Variants in HEY2 observed in about 807,000 individuals in gnomAD.
HEY2 encodes the protein hairy/enhancer-of-split related with YRPW motif protein 2.
Under a neutral mutation model 18.1 loss-of-function variants are expected in HEY2, and 10 were observed. That is an observed-to-expected ratio of 0.55 (90% CI 0.34 to 0.94). The LOEUF is 0.94. Among genes scored for constraint, HEY2 ranks in the 40% least tolerant of loss-of-function variants. The pLI is 0.02. For synonymous variants in HEY2, 210 were observed against 182.7 expected (o/e 1.15, Z -1.21); for missense variants, 455 against 455.9 (o/e 1.00, Z 0.02).
Position 125,759,371 on chromosome 6 carries a change from G to A in HEY2, c.583G>A (p.Ala195Thr), listed in dbSNP as rs1736359064. The change falls in exon 5 of 5, where the codon GCC becomes ACC. Residue 195 changes from alanine (A) to threonine (T), a missense_variant. Ala to Thr is a moderately conservative substitution (Grantham distance 58). Transcript: ENST00000368364. The stretch of plus-strand genomic sequence containing the variant: ...CGCCGCCTTCCACCACCTGCCCGCA[G>A]CCCTGCTCCAGCCCAACGGCCTCCA... ...WAAAFHHLPAALLQPNGLHAS... is the reference protein window; with the variant it reads ...WAAAFHHLPATLLQPNGLHAS... 6.2e-7 allele frequency: 1 copy of A among 1,606,970 alleles called. No individual in the cohort carries two copies. Among genetic ancestry groups the A allele is most frequent in the Non-Finnish European group, 8.5e-7 (1 of 1,177,698 alleles).
At chr6:125,750,955 A>G (rs1773532296) in intron 1 of HEY2, among the ~76,000 whole-genome samples, 2 of 152,392 alleles carry the variant, frequency 1.3e-5, no homozygotes, top group East Asian at 1.9e-4. Context: ...GAAGCATAGT[A>G]TCCATGAATT....
chr6:125,759,166 C>T lies in HEY2; in HGVS notation c.378C>T (p.Phe126=). 1 of 1,613,122 alleles carries T rather than the reference C, an allele frequency of 6.2e-7. No homozygotes were observed. Among genetic ancestry groups the T allele is most frequent in the Non-Finnish European group, 8.5e-7 (1 of 1,179,618 alleles). ...CCATGGACTTCATGAGCATAGGATT[C>T]CGAGAGTGCCTAACAGAAGTTGCGC... ...ALAMDFMSIG[F]RECLTEVARY... The change falls in exon 5 of 5, where the codon TTC becomes TTT. Residue 126 remains phenylalanine (F), a synonymous_variant. Transcript: ENST00000368364.
chr6:125,751,731 TG>T, intron 1 of HEY2, 69 bp from the exon 2 acceptor site: 1 of 961,304 alleles, frequency 1.0e-6, no homozygotes, highest in Non-Finnish European at 1.6e-6. Context: ...ATTTAATGGG[TG>T]CCACAAGTAC....
intron 4 of HEY2, among the ~76,000 whole-genome samples, chr6:125,758,152 TGTGCCCTAC>T (rs1336150424): frequency 1.9e-5 from 2 of 104,482 alleles, no homozygotes; most frequent in Non-Finnish European, 4.6e-5. Flanking sequence ...TGATTATTAT[TGTGCCCTAC>T]ATGCCCTACA....
At chr6:125,752,427 C>CAAAAA (rs56184046) in intron 3 of HEY2, among the ~76,000 whole-genome samples, 12 of 117,636 alleles carry the variant, frequency 1.0e-4, no homozygotes, top group East Asian at 2.3e-4. Flanking sequence ...CCGTATCCTT[C>CAAAAA]AAAAAAAAAA....
chr6:125,759,595 AGCAGCCACCGCGGCT>A lies in HEY2; in HGVS notation c.811_825del (p.Ala271_Ala275del). 1.2e-6 allele frequency: 2 copies of A among 1,610,498 alleles called. No individual in the cohort carries two copies. The highest frequency in any genetic ancestry group is 1.7e-6 in the Non-Finnish European group (2 of 1,179,744). On this transcript the variant is annotated inframe_deletion, in exon 5 of 5. Coordinates refer to ENST00000368364, the MANE Select transcript of HEY2 (RefSeq NM_012259.3). ...CTGCCACCGTCCACGCCGCAGCCGC[AGCAGCCACCGCGGCT>A]GCACACAGCTTCCCTCTGTCCTTCG...
chr6:125,753,934 T>G (rs1373545968), intron 3 of HEY2, among the ~76,000 whole-genome samples: 1 of 152,182 alleles, frequency 6.6e-6, no homozygotes, highest in African/African-American at 2.4e-5. Flanking sequence ...AATTATATGG[T>G]TCTAGTGTGA....
Position 125,760,950 on chromosome 6 carries a change from A to T in HEY2, c.*1148A>T, listed in dbSNP as rs1328876108. 1 of 152,620 alleles carries T rather than the reference A, an allele frequency of 6.6e-6. No homozygotes were observed. Among genetic ancestry groups the T allele is most frequent in the Non-Finnish European group, 1.5e-5 (1 of 68,018 alleles). The allele number at this position is 152,620 out of a possible 1,614,324, so 9.5% of individuals were successfully genotyped here. A position where few individuals can be genotyped will look rare whatever the true frequency, so the allele number is the denominator to read the frequency against. ...CATAAGTTATTTTTGCCCATGCCTA[A>T]ACTAGTGCTATGTAATGGGGTTGTG... On this transcript the variant is annotated 3_prime_UTR_variant, in exon 5 of 5. Coordinates refer to ENST00000368364, the MANE Select transcript of HEY2 (RefSeq NM_012259.3).
chr6:125,750,437 G>C (rs1468466249), intron 1 of HEY2: 1 of 979,670 alleles, frequency 1.0e-6, no homozygotes, highest in Admixed American at 6.1e-5. Context: ...AAGTCTGGAA[G>C]AGATCGGCGT....
At position 125,759,347 on chromosome 6, in the gene HEY2, GC is replaced by G. The variant is rs766155246; in HGVS notation, c.561del (p.Ala188ProfsTer159). On this transcript the variant is annotated frameshift_variant, in exon 5 of 5. Transcript: ENST00000368364. LOFTEE classifies it low-confidence loss of function (END_TRUNC). Reference protein sequence around the residue: ...HHPLHPHHWAAAFHHLPAALL... With the variant: ...HHPLHPHHWAXAFHHLPAALL... ...TCCGCTCCACCCGCATCACTGGGCC[GC>G]CGCCTTCCACCACCTGCCCGCAGCC... 1 of 1,603,566 alleles carries G rather than the reference GC, an allele frequency of 6.2e-7. No homozygotes were observed.
At chr6:125,753,932 G>A (rs1303171959) in intron 3 of HEY2, among the ~76,000 whole-genome samples, 2 of 152,168 alleles carry the variant, frequency 1.3e-5, no homozygotes, top group East Asian at 3.9e-4. Context: ...CCAATTATAT[G>A]GTTCTAGTGT....
At chr6:125,754,433 A>T in intron 3 of HEY2, 32 bp from the exon 4 acceptor site, 1 of 1,291,894 alleles carries the variant, frequency 7.7e-7, no homozygotes, top group Non-Finnish European at 1.1e-6. Flanking sequence ...TGTAGGACAT[A>T]GGATTATTTA....
At position 125,749,769 on chromosome 6, in the gene HEY2, T is replaced by G; in HGVS notation, c.-8T>G. On this transcript the variant is annotated 5_prime_UTR_variant, in exon 1 of 5. Coordinates refer to ENST00000368364, the MANE Select transcript of HEY2 (RefSeq NM_012259.3). The stretch of plus-strand genomic sequence containing the variant: ...GGCCGGGCTGTGCCCCGCGCGGTCT[T>G]CGCCGGGATGAAGCGCCCCTGCGAG... 1 of 1,564,952 alleles carries G rather than the reference T, an allele frequency of 6.4e-7. No homozygotes were observed. Among genetic ancestry groups the G allele is most frequent in the Non-Finnish European group, 8.7e-7 (1 of 1,155,832 alleles).
chr6:125,753,127 G>A (rs1773585057), intron 3 of HEY2, among the ~76,000 whole-genome samples: 1 of 152,200 alleles, frequency 6.6e-6, no homozygotes, highest in Admixed American at 6.5e-5. Context: ...TATATGCAGA[G>A]ACTGTGTTTG....
intron 4 of HEY2, 44 bp from the exon 5 acceptor site, chr6:125,759,073 C>A (rs747126977): frequency 1.2e-5 from 18 of 1,467,220 alleles, no homozygotes; most frequent in Non-Finnish European, 1.7e-5. Flanking sequence ...CTACCTCCCG[C>A]CCATCTCTCT....
In HEY2 at chr6:125,759,513, C is replaced by A. The variant is rs781313488; in HGVS notation, c.725C>A (p.Ser242Tyr). 6.2e-7 allele frequency: 1 copy of A among 1,611,274 alleles called. No individual in the cohort carries two copies. Among genetic ancestry groups the A allele is most frequent in the Non-Finnish European group, 8.5e-7 (1 of 1,179,986 alleles). ...GCGGATTCAGCCCTCCGAATGCCATCCACGGGCAGCGTCGCCCCCTGCGTG... is the reference window on the plus strand; with the variant it reads ...GCGGATTCAGCCCTCCGAATGCCATACACGGGCAGCGTCGCCCCCTGCGTG... ...AHADSALRMP[S>Y]TGSVAPCVPP... The change falls in exon 5 of 5, where the codon TCC (serine) becomes TAC (tyrosine). Residue 242 changes from serine to tyrosine, a missense_variant. Transcript: ENST00000368364.
At chr6:125,753,257 G>A (rs1167673960) in intron 3 of HEY2, among the ~76,000 whole-genome samples, 1 of 152,158 alleles carries the variant, frequency 6.6e-6, no homozygotes, top group Non-Finnish European at 1.5e-5. Context: ...GTACTGAAAT[G>A]TCTGCAGTTA....
At chr6:125,749,936 A>G in intron 1 of HEY2, 77 bp downstream of exon 1, 5 of 1,204,384 alleles carry the variant, frequency 4.2e-6, no homozygotes, top group Non-Finnish European at 6.0e-6. Flanking sequence ...CTCCCTGGAA[A>G]TCCCGAGGCT....
At chr6:125,750,393 G>A (rs1480945702) in intron 1 of HEY2, 2 of 985,236 alleles carry the variant, frequency 2.0e-6, no homozygotes, top group African/African-American at 1.7e-5. Flanking sequence ...TGTAAGCATC[G>A]GAAAGGGCAT....
Sources: allele counts gnomAD v4.1 joint callset (sites outside exome capture counted in the v4.1 genomes callset), GRCh38; gene constraint gnomAD v4.1.1; transcripts MANE v1.5; gene names NCBI Gene and HGNC (gene_info 2026-07-23, HGNC 2026-07-21).